Variants in ATG5 observed in about 807,000 individuals in gnomAD.
The protein encoded by ATG5 is autophagy protein 5.
ATG5 carries 14 observed loss-of-function variants against 36.5 expected under a neutral mutation model. The observed-to-expected ratio is 0.38, with a 90% CI of 0.25 to 0.60. The LOEUF is 0.60. ATG5 is among the 20% of genes least tolerant of loss of function. ATG5 has a pLI of 0.60. For synonymous variants in ATG5, 95 were observed against 101.5 expected, an observed-to-expected ratio of 0.94 and a Z score of 0.38; for missense variants, 195 against 326.7, an observed-to-expected ratio of 0.60 and a Z score of 3.11.
At chr6:106,225,074 C>T (rs1419416196) in intron 6 of ATG5, among the ~76,000 whole-genome samples, 2 of 152,212 alleles carry the variant, frequency 1.3e-5, no homozygotes, top group Non-Finnish European at 2.9e-5. Flanking sequence ...ATAATTCCAG[C>T]TATAGTGTGC....
chr6:106,324,692 T>C (rs575696859), intron 1 of ATG5, among the ~76,000 whole-genome samples: 2 of 152,356 alleles, frequency 1.3e-5, no homozygotes, highest in South Asian at 4.1e-4. Flanking sequence ...TTTCCCCCAA[T>C]TTTAAGTAGC....
At chr6:106,251,570 T>C (rs887346456) in intron 5 of ATG5, among the ~76,000 whole-genome samples, 4 of 92,518 alleles carry the variant, frequency 4.3e-5, no homozygotes, top group Non-Finnish European at 6.4e-5. Context: ...AATCTTCTTA[T>C]AGAAACGCTA....
chr6:106,271,888 A>C (rs1415985717), intron 5 of ATG5, among the ~76,000 whole-genome samples: 2 of 152,224 alleles, frequency 1.3e-5, no homozygotes, highest in Non-Finnish European at 2.9e-5. Context: ...GTTCTCTGGA[A>C]GTGCCTAGAA....
At chr6:106,315,974 T>C in intron 2 of ATG5, 127 bp downstream of exon 2, 1 of 693,024 alleles carries the variant, frequency 1.4e-6, no homozygotes, top group Non-Finnish European at 2.4e-6. Context: ...GTGTTAATTT[T>C]TTTTCCAAAA....
chr6:106,226,996 T>C (rs1445036791), intron 6 of ATG5, among the ~76,000 whole-genome samples: 2 of 151,886 alleles, frequency 1.3e-5, no homozygotes, highest in Non-Finnish European at 2.9e-5. Context: ...ATACATATAA[T>C]GAGAGGCCCA....
At chr6:106,209,046 T>A (rs1006679972) in intron 6 of ATG5, among the ~76,000 whole-genome samples, 1 of 152,198 alleles carries the variant, frequency 6.6e-6, no homozygotes, top group African/African-American at 2.4e-5. Flanking sequence ...CTGGTGCGCA[T>A]GTGGAAAAAT....
At chr6:106,201,939 A>T in intron 7 of ATG5, 33 bp downstream of exon 7, 1 of 1,485,722 alleles carries the variant, frequency 6.7e-7, no homozygotes, top group Non-Finnish European at 9.3e-7. Context: ...ACAGAAAATG[A>T]AAGAAATGTT....
intron 7 of ATG5, among the ~76,000 whole-genome samples, chr6:106,195,941 T>C (rs1776167346): frequency 6.6e-6 from 1 of 152,166 alleles, no homozygotes; most frequent in Non-Finnish European, 1.5e-5. Flanking sequence ...CTTCACAAAT[T>C]TGTGTGCCTT....
At chr6:106,265,786 C>T (rs1216487344) in intron 5 of ATG5, among the ~76,000 whole-genome samples, 2 of 152,118 alleles carry the variant, frequency 1.3e-5, no homozygotes, top group Non-Finnish European at 2.9e-5. Flanking sequence ...TAAAGAAGTG[C>T]TTTGAAATCA....
intron 6 of ATG5, among the ~76,000 whole-genome samples, chr6:106,203,115 C>T (rs1776500737): frequency 6.6e-6 from 1 of 152,152 alleles, no homozygotes; most frequent in Non-Finnish European, 1.5e-5. Flanking sequence ...TTAGTAGTTT[C>T]ATTATTTCAA....
At chr6:106,307,051 C>A (rs1191368054) in intron 3 of ATG5, among the ~76,000 whole-genome samples, 3 of 152,160 alleles carry the variant, frequency 2.0e-5, no homozygotes, top group African/African-American at 7.2e-5. Flanking sequence ...CAAAATACAA[C>A]CTTGTTATGT....
At chr6:106,273,917 A>G (rs1023999879) in intron 5 of ATG5, among the ~76,000 whole-genome samples, 3 of 152,206 alleles carry the variant, frequency 2.0e-5, no homozygotes, top group African/African-American at 7.2e-5. Context: ...GCTAATCACC[A>G]TCTCCTCTTA....
At chr6:106,208,052 A>G (rs541847427) in intron 6 of ATG5, among the ~76,000 whole-genome samples, 43 of 152,324 alleles carry the variant, frequency 2.8e-4, no homozygotes, top group African/African-American at 9.1e-4. Flanking sequence ...AAATCGCGCC[A>G]CTGCACTCTA....
chr6:106,309,465 A>G (rs1770567334), intron 2 of ATG5, among the ~76,000 whole-genome samples: 3 of 152,158 alleles, frequency 2.0e-5, no homozygotes, highest in Admixed American at 2.0e-4. Flanking sequence ...GGCATGCTCC[A>G]GTATGGAATA....
chr6:106,268,474 C>T (rs1181083284), intron 5 of ATG5, among the ~76,000 whole-genome samples: 1 of 152,128 alleles, frequency 6.6e-6, no homozygotes, highest in East Asian at 1.9e-4. Context: ...GTGGCAATTC[C>T]TCAAGGATCT....
intron 6 of ATG5, among the ~76,000 whole-genome samples, chr6:106,208,926 A>G (rs1006154449): frequency 5.9e-5 from 9 of 152,234 alleles, no homozygotes; most frequent in African/African-American, 1.9e-4. Context: ...ATATGAAAAC[A>G]TATCTCACAC....
At chr6:106,310,532 T>C (rs767722352) in intron 2 of ATG5, among the ~76,000 whole-genome samples, 2 of 152,194 alleles carry the variant, frequency 1.3e-5, no homozygotes, top group Non-Finnish European at 2.9e-5. Context: ...GTGTATTTCA[T>C]TGGTTTAAGT....
At chr6:106,277,469 A>G (rs916446223) in intron 5 of ATG5, among the ~76,000 whole-genome samples, 5 of 152,260 alleles carry the variant, frequency 3.3e-5, no homozygotes, top group Non-Finnish European at 2.9e-5. Context: ...ATTGTTCCAC[A>G]ATCTTTAAAA....
At chr6:106,202,979 C>A (rs1400071897) in intron 6 of ATG5, among the ~76,000 whole-genome samples, 1 of 151,858 alleles carries the variant, frequency 6.6e-6, no homozygotes, top group Non-Finnish European at 1.5e-5. Context: ...ACTTAACCAT[C>A]TAATGGTTGA....
Sources: allele counts gnomAD v4.1 joint callset (sites outside exome capture counted in the v4.1 genomes callset), GRCh38; gene constraint gnomAD v4.1.1; transcripts MANE v1.5; gene names NCBI Gene and HGNC (gene_info 2026-07-23, HGNC 2026-07-21).